Variants in BTC observed in about 807,000 individuals in gnomAD.
BTC encodes the protein betacellulin, also known as probetacellulin.
Under a neutral mutation model 18.1 loss-of-function variants are expected in BTC, and 13 were observed. The observed-to-expected ratio is 0.72, with a 90% CI of 0.47 to 1.14. The LOEUF (loss-of-function observed/expected upper bound fraction) is 1.14, where lower values mean the gene tolerates loss of function less well. BTC is among the 50% of genes most tolerant of loss of function. BTC has a pLI of 0.00. For missense variants in BTC, 247 were observed against 224.2 expected (o/e 1.10, Z -0.65); for synonymous variants, 83 against 79.4 (o/e 1.05, Z -0.24).
intron 1 of BTC, among the ~76,000 whole-genome samples, chr4:74,785,569 A>G (rs1266966264): frequency 1.3e-5 from 2 of 152,208 alleles, no homozygotes; most frequent in Non-Finnish European, 2.9e-5. Context: ...CTACATTCTA[A>G]GCAGACGAAT....
chr4:74,794,352 C>G lies in BTC; in HGVS notation c.-27G>C. ...AACCCCGCTCTGCCGGGCCGGGCAGCCCCTAGACAAGTCTCCCTCCTTCTT... is the reference window on the plus strand; with the variant it reads ...AACCCCGCTCTGCCGGGCCGGGCAGGCCCTAGACAAGTCTCCCTCCTTCTT... On this transcript the variant is annotated 5_prime_UTR_variant, in exon 1 of 6. Transcript: ENST00000395743. The G allele has an allele frequency of 6.6e-7, 1 of 1,524,794 alleles. No homozygotes were observed. The highest frequency in any genetic ancestry group is 8.8e-7 in the Non-Finnish European group (1 of 1,135,916). 94.5% of individuals were successfully genotyped at this position (1,524,794 alleles called of 1,614,324 possible). A position where few individuals can be genotyped will look rare whatever the true frequency, so the allele number is the denominator to read the frequency against.
rs4585380 is a variant in BTC at position 74,748,153 on chromosome 4, G to A, written c.429-4C>T. 399,493 of 1,583,710 alleles carry A rather than the reference G, an allele frequency of 0.25. 52,524 individuals are homozygous for A. The highest frequency in any genetic ancestry group is 0.3 in the Middle Eastern group (1,810 of 6,004). On this transcript the variant is annotated splice_polypyrimidine_tract_variant and splice_region_variant and intron_variant, in intron 4 of 5. Coordinates refer to ENST00000395743, the MANE Select transcript of BTC (RefSeq NM_001729.4). ...TTTACGACGTTTCCGAAGAGGGCTT[G>A]GAAAATACGTGTTAGAAGTTAGTAT...
intron 5 of BTC, 42 bp downstream of exon 5, chr4:74,747,998 G>T: frequency 8.9e-7 from 1 of 1,127,678 alleles, no homozygotes; most frequent in Non-Finnish European, 1.3e-6. Context: ...CCAGTTAAAT[G>T]TCACCTGAAT....
At chr4:74,783,701 C>T (rs1265119986) in intron 1 of BTC, among the ~76,000 whole-genome samples, 1 of 148,104 alleles carries the variant, frequency 6.8e-6, no homozygotes, top group African/African-American at 2.5e-5. Context: ...ATAAATTACA[C>T]TGGGCAGCAT....
chr4:74,765,521 A>G lies in BTC; in HGVS notation c.163+4537T>C, dbSNP rs74736713. ...CCATAACACAGGCAGACCAATATAC[A>G]TCTGATAGTAGTCCAAGAGGGAAAA... On this transcript the variant is annotated intron_variant, in intron 2 of 5. Transcript: ENST00000395743. 2.0e-3 allele frequency among the ~76,000 whole-genome samples: 311 copies of G among 152,270 alleles called. 1 individual carries two copies. The highest frequency in any genetic ancestry group is 7.0e-3 in the African/African-American group (291 of 41,552).
intron 2 of BTC, 113 bp downstream of exon 2, chr4:74,769,945 A>C: frequency 3.6e-6 from 3 of 837,256 alleles, no homozygotes; most frequent in Non-Finnish European, 5.7e-6. Context: ...TAAAGCACTT[A>C]GCACAGTGAC....
intron 1 of BTC, among the ~76,000 whole-genome samples, chr4:74,787,470 T>C (rs1577971652): frequency 6.6e-6 from 1 of 152,196 alleles, no homozygotes; most frequent in South Asian, 2.1e-4. Flanking sequence ...ACAGTTGAAA[T>C]ACTAAGATTT....
intron 1 of BTC, among the ~76,000 whole-genome samples, chr4:74,793,946 G>T (rs1487214683): frequency 1.4e-5 from 2 of 138,292 alleles, no homozygotes; most frequent in Non-Finnish European, 3.0e-5. Flanking sequence ...CGCCGGCGCC[G>T]CCAGGCCCTC....
At position 74,745,450 on chromosome 4, in the gene BTC, A is replaced by G. The variant is rs1236924147; in HGVS notation, c.*1227T>C. 1 of 152,242 alleles carries G rather than the reference A, an allele frequency of 6.6e-6. No homozygotes were observed. Among genetic ancestry groups the G allele is most frequent in the East Asian group, 1.9e-4 (1 of 5,204 alleles). The allele number at this position is 152,242 out of a possible 1,614,324, so 9.4% of individuals were successfully genotyped here. A position where few individuals can be genotyped will look rare whatever the true frequency, so the allele number is the denominator to read the frequency against. Reference sequence around the variant, plus strand: ...GGGGGCATCTTCCATCGATTTTTGTAAGTGAACCACGTAATCAATGTAAAA... The same window carrying G: ...GGGGGCATCTTCCATCGATTTTTGTGAGTGAACCACGTAATCAATGTAAAA... On this transcript the variant is annotated 3_prime_UTR_variant, in exon 6 of 6. Transcript: ENST00000395743.
intron 2 of BTC, among the ~76,000 whole-genome samples, chr4:74,759,535 A>T (rs1296331835): frequency 2.0e-5 from 3 of 152,178 alleles, no homozygotes; most frequent in Admixed American, 6.5e-5. Flanking sequence ...ACAGGACTCT[A>T]TATTCCGAAG....
chr4:74,784,897 G>T (rs542966644), intron 1 of BTC, among the ~76,000 whole-genome samples: 1 of 152,128 alleles, frequency 6.6e-6, no homozygotes, highest in African/African-American at 2.4e-5. Context: ...TTTGGTTTTT[G>T]TATCTCTGCC....
chr4:74,782,262 T>TA (rs759951576), intron 1 of BTC, among the ~76,000 whole-genome samples: 1 of 152,130 alleles, frequency 6.6e-6, no homozygotes, highest in Non-Finnish European at 1.5e-5. Context: ...ATGCTCTCCC[T>TA]ATCCCCCGAC....
At chr4:74,749,171 T>C (rs1231746441) in intron 4 of BTC, among the ~76,000 whole-genome samples, 1 of 152,092 alleles carries the variant, frequency 6.6e-6, no homozygotes, top group Non-Finnish European at 1.5e-5. Flanking sequence ...GGCTCATGCC[T>C]GTAATCCCAG....
chr4:74,779,180 C>T (rs1725254335), intron 1 of BTC, among the ~76,000 whole-genome samples: 1 of 152,084 alleles, frequency 6.6e-6, no homozygotes, highest in African/African-American at 2.4e-5. Context: ...TTAGGAAAGG[C>T]TAAAACTGAT....
At position 74,792,000 on chromosome 4, in the gene BTC, CACACACAA is replaced by C. The variant is rs138611175; in HGVS notation, c.64+2254_64+2261del. On this transcript the variant is annotated intron_variant, in intron 1 of 5. Transcript: ENST00000395743. ...ACACACACACACACACACACACACA[CACACACAA>C]ACACTAGTGTCTCATGCATCTTATT... Among the ~76,000 whole-genome samples the C allele has an allele frequency of 9.4e-3, 1,395 of 147,954 alleles. 22 individuals are homozygous for C. Among genetic ancestry groups the C allele is most frequent in the African/African-American group, 0.034 (1,315 of 38,122 alleles).
intron 2 of BTC, among the ~76,000 whole-genome samples, chr4:74,764,274 G>A (rs1307059311): frequency 6.6e-6 from 1 of 152,218 alleles, no homozygotes. Context: ...CCTCTACACT[G>A]TGGGAAACTG....
chr4:74,780,336 G>T (rs553307856), intron 1 of BTC, among the ~76,000 whole-genome samples: 2 of 152,164 alleles, frequency 1.3e-5, no homozygotes, highest in South Asian at 2.1e-4. Flanking sequence ...GACAAATGTT[G>T]TGTGGAAATC....
Position 74,756,112 on chromosome 4 carries a change from G to T in BTC, c.164-136C>A, listed in dbSNP as rs542473380. 39 of 822,768 alleles carry T rather than the reference G, an allele frequency of 4.7e-5. No homozygotes were observed. The African/African-American group carries it at 6.2e-4, about 13-fold the overall frequency. The allele number at this position is 822,768 out of a possible 1,614,324, so 51.0% of individuals were successfully genotyped here. On this transcript the variant is annotated intron_variant, in intron 2 of 5. Coordinates refer to ENST00000395743, the MANE Select transcript of BTC (RefSeq NM_001729.4). ...CTCATTTTTCTTTCTCTCTGCACTG[G>T]GATAAAAGTCAGACTTTTGTGACTC...
At chr4:74,783,340 C>T (rs558972806) in intron 1 of BTC, among the ~76,000 whole-genome samples, 22 of 152,142 alleles carry the variant, frequency 1.4e-4, no homozygotes, top group South Asian at 4.2e-4. Flanking sequence ...CTCTCGGCAC[C>T]GTTTATTAAA....
Sources: gnomAD v4.1 joint callset for allele counts (sites outside exome capture counted in the v4.1 genomes callset) on GRCh38, gnomAD v4.1.1 for gene constraint, MANE v1.5 for transcripts, NCBI Gene and HGNC (gene_info 2026-07-23, HGNC 2026-07-21) for gene names.